Variants in PRKCZ observed in about 807,000 individuals in gnomAD.
PRKCZ encodes the protein protein kinase C zeta type.
In PRKCZ, 33 loss-of-function variants were observed where a neutral mutation model predicts 79.5. The ratio of observed to expected loss-of-function variants is 0.41; its 90% CI spans 0.31 to 0.55. PRKCZ has a LOEUF of 0.55. Ranked by LOEUF, PRKCZ falls within the 20% of genes least tolerant of loss-of-function variation. The pLI is 0.19. For synonymous variants in PRKCZ, 342 were observed against 320.9 expected, an observed-to-expected ratio of 1.07 and a Z score of -0.70; for missense variants, 578 against 813.5, an observed-to-expected ratio of 0.71 and a Z score of 3.52.
chr1:2,172,235 C>T lies in PRKCZ; in HGVS notation c.1197+45C>T. On this transcript the variant is annotated intron_variant, in intron 12 of 17. Coordinates refer to ENST00000378567, the MANE Select transcript of PRKCZ (RefSeq NM_002744.6). This position sits in a 1 kb window ranked among gnomAD's most constrained non-coding sequence, Gnocchi z 7.8. ...TCCCCTGACCATCCCGCATGTGCGT[C>T]TCGGGGCGCCTGTCCCGCGGGGTAG... 4.3e-6 allele frequency: 7 copies of T among 1,613,474 alleles called. No homozygotes were observed. Among genetic ancestry groups the T allele is most frequent in the Non-Finnish European group, 5.9e-6 (7 of 1,180,012 alleles).
intron 4 of PRKCZ, among the ~76,000 whole-genome samples, chr1:2,115,079 G>A (rs1040360991): frequency 3.9e-5 from 6 of 152,232 alleles, no homozygotes; most frequent in East Asian, 1.9e-4. Flanking sequence ...TAACCTACCC[G>A]TCCCCGGCCT....
chr1:2,095,605 C>T (rs1210715410), intron 4 of PRKCZ, among the ~76,000 whole-genome samples: 8 of 152,000 alleles, frequency 5.3e-5, no homozygotes, highest in African/African-American at 1.5e-4. Flanking sequence ...TGGGTGGTGC[C>T]GGCCGGCTGT....
intron 4 of PRKCZ, among the ~76,000 whole-genome samples, chr1:2,077,256 G>A (rs1050793335): frequency 2.6e-5 from 4 of 152,348 alleles, no homozygotes; most frequent in South Asian, 4.1e-4. Context: ...TTTTGAAATA[G>A]GGGGTTTGAG....
rs923562555 is a variant in PRKCZ, at chr1:2,059,788, C to T, written c.334+197C>T. On this transcript the variant is annotated intron_variant, in intron 4 of 17. Transcript: ENST00000378567. Reference sequence around the variant, plus strand: ...GTGCGTGTTCTGGCTGACAGCACCACATGGCGGGGGACTCGCTTGGCTGGT... The same window carrying T: ...GTGCGTGTTCTGGCTGACAGCACCATATGGCGGGGGACTCGCTTGGCTGGT... Among the ~76,000 whole-genome samples the T allele has an allele frequency of 3.8e-4, 58 of 152,234 alleles. 1 individual carries two copies. The highest frequency in any genetic ancestry group is 1.4e-3 in the African/African-American group (57 of 41,462).
At chr1:2,054,204 C>G (rs1351173099) in intron 1 of PRKCZ, among the ~76,000 whole-genome samples, 1 of 152,226 alleles carries the variant, frequency 6.6e-6, no homozygotes, top group Non-Finnish European at 1.5e-5. Flanking sequence ...GCCTGTATCT[C>G]TGGTTGGGAC....
intron 4 of PRKCZ, among the ~76,000 whole-genome samples, chr1:2,120,293 GTTTTTTTTTTTTT>G (rs59518072): frequency 3.4e-4 from 11 of 32,830 alleles, no homozygotes; most frequent in Admixed American, 1.6e-3. Flanking sequence ...TTGACTTTTC[GTTTTTTTTTTTTT>G]TTTTTTTTTT....
intron 4 of PRKCZ, among the ~76,000 whole-genome samples, chr1:2,071,062 G>GTGA (rs58051546): frequency 2.0e-5 from 3 of 152,104 alleles, no homozygotes; most frequent in Admixed American, 6.5e-5. Context: ...ACCTGGGCGT[G>GTGA]CGACCTGGGC....
chr1:2,140,652 G>A (rs1025231582), intron 5 of PRKCZ, among the ~76,000 whole-genome samples: 1 of 150,006 alleles, frequency 6.7e-6, no homozygotes, highest in African/African-American at 2.5e-5. Flanking sequence ...GTGAGACTCC[G>A]TCTCAAAAAA....
At chr1:2,138,599 G>A (rs186153040) in intron 5 of PRKCZ, among the ~76,000 whole-genome samples, 98 of 152,244 alleles carry the variant, frequency 6.4e-4, no homozygotes, top group African/African-American at 1.4e-3. Flanking sequence ...AATCCAGGCT[G>A]CTGGCTCCCA....
chr1:2,174,608 A>G lies in PRKCZ; in HGVS notation c.1406-146A>G. On this transcript the variant is annotated intron_variant, in intron 14 of 17. Coordinates refer to ENST00000378567, the MANE Select transcript of PRKCZ (RefSeq NM_002744.6). This position sits in a 1 kb window ranked among gnomAD's most constrained non-coding sequence, Gnocchi z 6.2. ...GGAGGACCCGGCGGGACTCCGGGTTATAGATATTGCTGGGCTGTAGGAAGG... is the reference window on the plus strand; with the variant it reads ...GGAGGACCCGGCGGGACTCCGGGTTGTAGATATTGCTGGGCTGTAGGAAGG... 1.4e-6 allele frequency: 1 copy of G among 733,980 alleles called. No individual in the cohort carries two copies. The allele number at this position is 733,980 out of a possible 1,614,324, so 45.5% of individuals were successfully genotyped here. A position where few individuals can be genotyped will look rare whatever the true frequency, so the allele number is the denominator to read the frequency against.
In PRKCZ at chr1:2,169,385, T is replaced by C. The variant is rs893364154; in HGVS notation, c.975-133T>C. The C allele has an allele frequency of 3.9e-6, 3 of 773,326 alleles. No homozygotes were observed. The African/African-American group carries it at 5.2e-5, about 13-fold the overall frequency. 47.9% of individuals were successfully genotyped at this position (773,326 alleles called of 1,614,324 possible). ...CTCTCTGCTGCCAGGGTGCTCCTGC[T>C]GCTCTTTGCTCTTTGCAAGACTGAA... On this transcript the variant is annotated intron_variant, in intron 10 of 17. Coordinates refer to ENST00000378567, the MANE Select transcript of PRKCZ (RefSeq NM_002744.6).
chr1:2,103,026 C>T lies in PRKCZ; in HGVS notation c.335-32236C>T, dbSNP rs529881208. Among the ~76,000 whole-genome samples, 9 of 152,274 alleles carry T rather than the reference C, an allele frequency of 5.9e-5. No individual in the cohort carries two copies. The East Asian group carries it at 9.7e-4, about 16-fold the overall frequency. ...CTGGGACTTCAGGCGCGCACCACCA[C>T]GCTTGGCTAATTTTTTATTTTTAGT... On this transcript the variant is annotated intron_variant, in intron 4 of 17. Transcript: ENST00000378567.
At chr1:2,122,183 T>G (rs1325718102) in intron 4 of PRKCZ, among the ~76,000 whole-genome samples, 31 of 2,490 alleles carry the variant, frequency 0.012, 12 homozygotes, top group Admixed American at 0.016. Flanking sequence ...TGGTTAGGGT[T>G]GTGGTGGTTA....
intron 4 of PRKCZ, among the ~76,000 whole-genome samples, chr1:2,072,373 G>A (rs1000455313): frequency 6.6e-6 from 1 of 152,262 alleles, no homozygotes; most frequent in Non-Finnish European, 1.5e-5. Flanking sequence ...AGATGATGCC[G>A]TTGAGAAGGT....
chr1:2,112,107 T>C (rs975424502), intron 4 of PRKCZ, among the ~76,000 whole-genome samples: 31 of 152,218 alleles, frequency 2.0e-4, no homozygotes, highest in African/African-American at 7.2e-4. Flanking sequence ...CGCTGCAGAA[T>C]GTGGTTTCCA....
chr1:2,054,254 C>T (rs1659947622), intron 1 of PRKCZ, among the ~76,000 whole-genome samples: 1 of 152,182 alleles, frequency 6.6e-6, no homozygotes, highest in Non-Finnish European at 1.5e-5. Context: ...AGGCCCTGTG[C>T]TCTTGCCCCG....
chr1:2,092,891 C>A (rs1394037266), intron 4 of PRKCZ, among the ~76,000 whole-genome samples: 1 of 152,136 alleles, frequency 6.6e-6, no homozygotes, highest in Non-Finnish European at 1.5e-5. Context: ...AGGGGGTGAC[C>A]CTGAATTCCA....
chr1:2,072,740 G>A (rs1661716424), intron 4 of PRKCZ, among the ~76,000 whole-genome samples: 1 of 152,146 alleles, frequency 6.6e-6, no homozygotes, highest in East Asian at 1.9e-4. Flanking sequence ...CGTCCCTCCA[G>A]GGTCAGCAGG....
intron 4 of PRKCZ, among the ~76,000 whole-genome samples, chr1:2,079,085 G>A (rs937207382): frequency 7.9e-5 from 12 of 152,112 alleles, no homozygotes; most frequent in South Asian, 2.1e-4. Flanking sequence ...CTTGTGATCC[G>A]CCCGCCTCGG....
Sources: allele counts gnomAD v4.1 joint callset (sites outside exome capture counted in the v4.1 genomes callset), GRCh38; gene constraint gnomAD v4.1.1; non-coding constraint Gnocchi (gnomAD v3.1); transcripts MANE v1.5; gene names NCBI Gene and HGNC (gene_info 2026-07-23, HGNC 2026-07-21).